The following LRRC20 variants were observed in gnomAD, a reference collection of about 807,000 sequenced individuals.
The protein encoded by LRRC20 is leucine-rich repeat-containing protein 20.
In LRRC20, 11 loss-of-function variants were observed where a neutral mutation model predicts 14.4. That is an observed-to-expected ratio of 0.77 (90% confidence interval 0.48 to 1.27). LRRC20 has a LOEUF of 1.27. Ranked by LOEUF, LRRC20 falls within the 50% of genes most tolerant of loss-of-function variation. The pLI is 0.00. For synonymous variants in LRRC20, 121 were observed against 107.3 expected, an observed-to-expected ratio of 1.13 and a Z score of -0.79; for missense variants, 219 against 251.2, an observed-to-expected ratio of 0.87 and a Z score of 0.87.
intron 4 of LRRC20, among the ~76,000 whole-genome samples, chr10:70,306,188 T>C (rs977377645): frequency 6.6e-6 from 1 of 151,536 alleles, no homozygotes; most frequent in Non-Finnish European, 1.5e-5. Flanking sequence ...CATACATACG[T>C]CATGGCCCTC....
At chr10:70,305,094 G>C (rs1841369687) in intron 4 of LRRC20, among the ~76,000 whole-genome samples, 1 of 152,138 alleles carries the variant, frequency 6.6e-6, no homozygotes, top group Non-Finnish European at 1.5e-5. Context: ...TGAGGCAGGA[G>C]AATCTCTTGA....
intron 2 of LRRC20, among the ~76,000 whole-genome samples, chr10:70,354,789 CTCT>C (rs1843460718): frequency 6.6e-6 from 1 of 152,162 alleles, no homozygotes; most frequent in Non-Finnish European, 1.5e-5. Flanking sequence ...GAGACAGAGT[CTCT>C]TCACTCTCTT....
intron 3 of LRRC20, among the ~76,000 whole-genome samples, chr10:70,338,607 T>C (rs1842797059): frequency 6.6e-6 from 1 of 152,146 alleles, no homozygotes. Flanking sequence ...AACATCCACG[T>C]GTAATGTGTT....
chr10:70,300,905 G>A lies in LRRC20; in HGVS notation c.*449C>T. 1.0e-6 allele frequency: 1 copy of A among 989,648 alleles called. No individual in the cohort carries two copies. Among genetic ancestry groups the A allele is most frequent in the Non-Finnish European group, 1.2e-6 (1 of 832,944 alleles). 61.3% of individuals were successfully genotyped at this position (989,648 alleles called of 1,614,324 possible). A position where few individuals can be genotyped will look rare whatever the true frequency, so the allele number is the denominator to read the frequency against. On this transcript the variant is annotated 3_prime_UTR_variant, in exon 5 of 5. Transcript: ENST00000446961. ...ATGGAGGTTGTCTTCTCTTCTCAGG[G>A]CAGCAACTGGCTCTCAGCACTAAAA... is the stretch of plus-strand genomic sequence containing the variant.
intron 4 of LRRC20, among the ~76,000 whole-genome samples, chr10:70,314,953 G>A (rs956194368): frequency 5.3e-5 from 8 of 152,068 alleles, no homozygotes; most frequent in African/African-American, 7.2e-5. Context: ...AATCTCTCCC[G>A]TGCAAAGCAC....
intron 4 of LRRC20, among the ~76,000 whole-genome samples, chr10:70,311,972 T>A (rs1329762570): frequency 6.6e-6 from 1 of 152,172 alleles, no homozygotes; most frequent in Non-Finnish European, 1.5e-5. Flanking sequence ...GTAAACTTGT[T>A]TTACATCAGT....
At chr10:70,372,575 G>A (rs1844327707) in intron 2 of LRRC20, among the ~76,000 whole-genome samples, 1 of 151,600 alleles carries the variant, frequency 6.6e-6, no homozygotes, top group South Asian at 2.1e-4. Context: ...CCGAGTAGCT[G>A]GGACTACAGG....
chr10:70,339,752 G>A (rs190237468), intron 3 of LRRC20, among the ~76,000 whole-genome samples: 1 of 152,292 alleles, frequency 6.6e-6, no homozygotes, highest in East Asian at 1.9e-4. Context: ...CATCTACGAG[G>A]CTCACCTGCT....
At position 70,301,470 on chromosome 10, in the gene LRRC20, G is replaced by A. The variant is rs75344031; in HGVS notation, c.439C>T (p.Arg147Cys). ...VEKLAAMPAL[R>C]SINLRFNPLN... is the part of the protein sequence containing the mutation. ...GGGTTGAAGCGGAGGTTGATGCTGC[G>A]CAAGGCTGGCATGGCGGCCAGCTTC... The change falls in exon 5 of 5, where the codon CGC becomes TGC. Residue 147 changes from arginine (R) to cysteine (C), a missense_variant. Transcript: ENST00000446961. 6.2e-6 allele frequency: 10 copies of A among 1,613,968 alleles called. No homozygotes were observed. The highest frequency in any genetic ancestry group is 5.0e-5 in the Admixed American group (3 of 60,004).
Position 70,350,774 on chromosome 10 carries a change from C to T in LRRC20, c.83-10072G>A, listed in dbSNP as rs559261560. On this transcript the variant is annotated intron_variant, in intron 2 of 4. Coordinates refer to ENST00000446961, the MANE Select transcript of LRRC20 (RefSeq NM_001278212.2). The stretch of plus-strand genomic sequence containing the variant: ...TAGCCAAGAAGTAAGGCTCCCAAGG[C>T]TACTGGAGGAACTCTGTGGCCAGTG... Among the ~76,000 whole-genome samples, 4 of 152,310 alleles carry T rather than the reference C, an allele frequency of 2.6e-5. No individual in the cohort carries two copies. The South Asian group carries it at 8.3e-4, about 32-fold the overall frequency.
chr10:70,382,151 G>A (rs1334914226), intron 1 of LRRC20, among the ~76,000 whole-genome samples: 1 of 152,240 alleles, frequency 6.6e-6, no homozygotes, highest in Non-Finnish European at 1.5e-5. Context: ...CAGAGCGGAA[G>A]CAAACCCCGA....
At chr10:70,328,390 G>C (rs1223551959) in intron 3 of LRRC20, among the ~76,000 whole-genome samples, 1 of 151,684 alleles carries the variant, frequency 6.6e-6, no homozygotes, top group Admixed American at 6.6e-5. Context: ...TCCGCTCCCT[G>C]GGTTCAAGCA....
intron 2 of LRRC20, among the ~76,000 whole-genome samples, chr10:70,343,673 G>A (rs1272833629): frequency 6.6e-6 from 1 of 152,222 alleles, no homozygotes; most frequent in African/African-American, 2.4e-5. Context: ...TCTAAAAAGA[G>A]TAATCGTTCC....
At chr10:70,307,024 T>G (rs549765849) in intron 4 of LRRC20, among the ~76,000 whole-genome samples, 1 of 152,214 alleles carries the variant, frequency 6.6e-6, no homozygotes, top group Admixed American at 6.5e-5. Flanking sequence ...CTCCAGCACT[T>G]TTTGGATGCA....
At chr10:70,340,034 T>C (rs955168255) in intron 3 of LRRC20, among the ~76,000 whole-genome samples, 2 of 150,952 alleles carry the variant, frequency 1.3e-5, no homozygotes, top group African/African-American at 4.9e-5. Context: ...GGCAGGAGAA[T>C]CGCTTGAACC....
At chr10:70,355,273 T>C (rs995224964) in intron 2 of LRRC20, among the ~76,000 whole-genome samples, 3 of 152,170 alleles carry the variant, frequency 2.0e-5, no homozygotes, top group African/African-American at 7.2e-5. Context: ...TCTAAAAGGC[T>C]TAAGACAAAA....
At chr10:70,362,209 G>A (rs917703085) in intron 2 of LRRC20, among the ~76,000 whole-genome samples, 3 of 152,188 alleles carry the variant, frequency 2.0e-5, no homozygotes, top group African/African-American at 7.2e-5. Context: ...CATTTAGGCT[G>A]GGCCTTAAAG....
intron 1 of LRRC20, among the ~76,000 whole-genome samples, chr10:70,377,278 G>A (rs1360762148): frequency 6.6e-6 from 1 of 152,306 alleles, no homozygotes; most frequent in East Asian, 1.9e-4. Flanking sequence ...CAGGGGCCGG[G>A]GGGTGGAGAT....
chr10:70,303,604 T>G (rs1186980355), intron 4 of LRRC20, among the ~76,000 whole-genome samples: 1 of 152,232 alleles, frequency 6.6e-6, no homozygotes, highest in Non-Finnish European at 1.5e-5. Context: ...TAGGGCATTT[T>G]CCAACACTCA....
Sources: allele counts gnomAD v4.1 joint callset (sites outside exome capture counted in the v4.1 genomes callset), GRCh38; gene constraint gnomAD v4.1.1; transcripts MANE v1.5; gene names NCBI Gene and HGNC (gene_info 2026-07-23, HGNC 2026-07-21).